The following NCOA7 variants were observed in gnomAD, a reference collection of about 807,000 sequenced individuals.
The protein encoded by NCOA7 is 140 kDa estrogen receptor-associated protein.
In NCOA7, 45 loss-of-function variants were observed where a neutral mutation model predicts 104.3. The observed-to-expected ratio is 0.43, with a 90% CI of 0.34 to 0.55. The LOEUF (loss-of-function observed/expected upper bound fraction) is 0.55. Among genes scored for constraint, NCOA7 ranks in the 20% least tolerant of loss-of-function variants. The probability of loss-of-function intolerance (pLI) is 0.02; values close to 1 mark genes in which losing one functional copy is unlikely to be tolerated. For missense variants in NCOA7, 1,041 were observed against 1,119.7 expected (o/e 0.93, Z 1.00); for synonymous variants, 398 against 402.3 (o/e 0.99, Z 0.13).
intron 3 of NCOA7, among the ~76,000 whole-genome samples, chr6:125,860,030 A>T (rs1781906895): frequency 6.6e-6 from 1 of 152,166 alleles, no homozygotes; most frequent in African/African-American, 2.4e-5. Flanking sequence ...GCATCAGATA[A>T]ATCTAGATCC....
At chr6:125,862,746 A>G (rs1331833625) in intron 3 of NCOA7, among the ~76,000 whole-genome samples, 1 of 138,724 alleles carries the variant, frequency 7.2e-6, no homozygotes, top group Non-Finnish European at 1.5e-5. Context: ...GTTCATGCCT[A>G]TAATCACAGC....
intron 2 of NCOA7, among the ~76,000 whole-genome samples, chr6:125,827,802 G>T (rs1159265285): frequency 6.6e-6 from 1 of 152,196 alleles, no homozygotes; most frequent in Non-Finnish European, 1.5e-5. Flanking sequence ...TGAACACAGT[G>T]CTTTTTTGGG....
intron 5 of NCOA7, among the ~76,000 whole-genome samples, chr6:125,880,087 T>C (rs1432881777): frequency 6.6e-6 from 1 of 152,202 alleles, no homozygotes; most frequent in East Asian, 1.9e-4. Context: ...AGGATTGTAG[T>C]AATGTTTTGA....
upstream of NCOA7, chr6:125,786,184 G>T (rs1406533282): frequency 6.6e-6 from 1 of 152,116 alleles, no homozygotes; most frequent in Non-Finnish European, 1.5e-5. Context: ...ATCAGTATTT[G>T]CCTCCTGTGT....
intron 2 of NCOA7, among the ~76,000 whole-genome samples, chr6:125,848,627 A>G (rs1780839475): frequency 6.6e-6 from 1 of 152,084 alleles, no homozygotes; most frequent in South Asian, 2.1e-4. Context: ...AGGGTAGGGA[A>G]CATCACACAC....
At chr6:125,852,921 G>T (rs1159084324) in intron 2 of NCOA7, among the ~76,000 whole-genome samples, 1 of 151,994 alleles carries the variant, frequency 6.6e-6, no homozygotes, top group Non-Finnish European at 1.5e-5. Flanking sequence ...CTCTTTTTTG[G>T]TTCCATATGA....
intron 3 of NCOA7, among the ~76,000 whole-genome samples, chr6:125,857,431 A>G (rs1781651835): frequency 8.1e-6 from 1 of 122,778 alleles, no homozygotes; most frequent in Non-Finnish European, 1.5e-5. Flanking sequence ...ACACACACAT[A>G]TATATATATA....
At chr6:125,902,756 A>T (rs1785624231) in intron 10 of NCOA7, among the ~76,000 whole-genome samples, 1 of 152,206 alleles carries the variant, frequency 6.6e-6, no homozygotes, top group African/African-American at 2.4e-5. Flanking sequence ...TAAAAGAAAC[A>T]GTAAAGCATA....
At chr6:125,803,771 T>C (rs903513392) in intron 1 of NCOA7, among the ~76,000 whole-genome samples, 14 of 152,184 alleles carry the variant, frequency 9.2e-5, no homozygotes, top group African/African-American at 3.4e-4. Context: ...TGAAAAGTAG[T>C]GTTTGCTATT....
intron 10 of NCOA7, among the ~76,000 whole-genome samples, chr6:125,911,463 A>T (rs1786545462): frequency 6.6e-6 from 1 of 152,242 alleles, no homozygotes; most frequent in African/African-American, 2.4e-5. Flanking sequence ...CAGGCTGTGC[A>T]GCCCTTTATT....
Position 125,881,148 on chromosome 6 carries a change from G to A in NCOA7, c.518G>A (p.Ser173Asn), listed in dbSNP as rs760596124. 3.4e-5 allele frequency: 55 copies of A among 1,613,838 alleles called. No individual in the cohort carries two copies. Among genetic ancestry groups the A allele is most frequent in the Non-Finnish European group, 4.4e-5 (52 of 1,179,928 alleles). The part of the protein sequence containing the change: ...PSSTLRLSSS[S>N]PGATVSPSSS... ...AGTACCTTAAGGCTATCATCATCCA[G>A]TCCTGGTGCTACTGTCTCTCCTTCA... Residue 173 changes from serine to asparagine, a missense_variant, in exon 6 of 16, where the codon AGT (serine) becomes AAT (asparagine). By Grantham distance (46) the Ser-to-Asn change is conservative. Around this residue, in one of 2 missense-constraint regions of NCOA7, gnomAD observed 914 missense variants for 942.7 expected, o/e 0.97. Coordinates refer to ENST00000392477, the MANE Select transcript of NCOA7 (RefSeq NM_181782.5).
intron 10 of NCOA7, among the ~76,000 whole-genome samples, chr6:125,894,481 G>T (rs968995168): frequency 1.3e-5 from 2 of 152,152 alleles, no homozygotes; most frequent in Non-Finnish European, 2.9e-5. Context: ...AGATGTGAAT[G>T]GGAATCCCCA....
At chr6:125,892,814 T>G (rs1205250292) in intron 10 of NCOA7, among the ~76,000 whole-genome samples, 2 of 152,250 alleles carry the variant, frequency 1.3e-5, no homozygotes, top group South Asian at 4.1e-4. Context: ...GAACTAATTA[T>G]GAATCAACCA....
chr6:125,861,132 C>T (rs1303695869), intron 3 of NCOA7, among the ~76,000 whole-genome samples: 1 of 152,170 alleles, frequency 6.6e-6, no homozygotes, highest in East Asian at 1.9e-4. Flanking sequence ...GTTTTCCCTC[C>T]TGAACTCAAA....
At chr6:125,907,521 A>G (rs901931591) in intron 10 of NCOA7, among the ~76,000 whole-genome samples, 4 of 152,312 alleles carry the variant, frequency 2.6e-5, no homozygotes, top group African/African-American at 7.2e-5. Context: ...CCTAAGGGCC[A>G]CTCGGGACAT....
At chr6:125,898,272 A>T (rs1021188235) in intron 10 of NCOA7, among the ~76,000 whole-genome samples, 1 of 152,198 alleles carries the variant, frequency 6.6e-6, no homozygotes, top group African/African-American at 2.4e-5. Flanking sequence ...TTGGACCCTG[A>T]TGTCATTCAG....
At chr6:125,919,312 A>C (rs1787358597) in intron 11 of NCOA7, 1 of 1,612,714 alleles carries the variant, frequency 6.2e-7, no homozygotes, top group Non-Finnish European at 8.5e-7. Context: ...TAGAGAGAAA[A>C]CTTGTTCCTC....
In NCOA7 at chr6:125,899,676, T is replaced by C. The variant is rs142538157; in HGVS notation, c.2096+8866T>C. Among the ~76,000 whole-genome samples, 208 of 152,314 alleles carry C rather than the reference T, an allele frequency of 1.4e-3. 1 individual carries two copies. The highest frequency in any genetic ancestry group is 4.5e-3 in the African/African-American group (188 of 41,560). ...CCTAAACAAATATGTAATTATTGAT[T>C]ATTTTATGTTTTAAAGTGACACTGC... is the stretch of plus-strand genomic sequence containing the variant. On this transcript the variant is annotated intron_variant, in intron 10 of 15. Coordinates refer to ENST00000392477, the MANE Select transcript of NCOA7 (RefSeq NM_181782.5).
At chr6:125,850,156 A>G (rs1009703074) in intron 2 of NCOA7, among the ~76,000 whole-genome samples, 2 of 152,198 alleles carry the variant, frequency 1.3e-5, no homozygotes, top group Non-Finnish European at 2.9e-5. Flanking sequence ...GTTGGCAGCT[A>G]TTCTCCTTTG....
Sources: gnomAD v4.1 joint callset for allele counts (sites outside exome capture counted in the v4.1 genomes callset) on GRCh38, gnomAD v4.1.1 for gene constraint, gnomAD v4.1.1 regional missense constraint, MANE v1.5 for transcripts, NCBI Gene and HGNC (gene_info 2026-07-23, HGNC 2026-07-21) for gene names.